The following HIVEP1 variants were observed in gnomAD, a reference collection of about 807,000 sequenced individuals.
HIVEP1 encodes zinc finger protein 40.
A neutral mutation model predicts 180.0 loss-of-function variants in HIVEP1; 36 were observed. That is an observed-to-expected ratio of 0.20 (90% CI 0.15 to 0.26). The LOEUF is 0.26. HIVEP1 is among the 10% of genes least tolerant of loss of function. The pLI is 1.00. For synonymous variants in HIVEP1, 1,239 were observed against 1,239.0 expected (o/e 1.00, Z 0.00); for missense variants, 3,143 against 3,268.7 (o/e 0.96, Z 0.94).
At chr6:12,103,563 A>ATTT (rs551545045) in intron 3 of HIVEP1, among the ~76,000 whole-genome samples, 1,553 of 145,842 alleles carry the variant, frequency 0.011, 27 homozygotes, top group African/African-American at 0.037. Context: ...GAGACTTACT[A>ATTT]TTTTTTTTTT....
intron 7 of HIVEP1, among the ~76,000 whole-genome samples, chr6:12,140,781 C>G (rs564164132): frequency 7.9e-5 from 12 of 152,104 alleles, no homozygotes; most frequent in Non-Finnish European, 1.5e-4. Context: ...GATTGAAGAT[C>G]AAATTAATGA....
At chr6:12,160,314 T>C (rs3777754) in intron 7 of HIVEP1, among the ~76,000 whole-genome samples, 9,812 of 152,324 alleles carry the variant, frequency 0.064, 370 homozygotes, top group Middle Eastern at 0.15. Context: ...AGGCTGATAC[T>C]AACGACTTTT....
intron 3 of HIVEP1, among the ~76,000 whole-genome samples, chr6:12,116,324 T>C (rs1441211507): frequency 6.6e-6 from 1 of 152,130 alleles, no homozygotes; most frequent in African/African-American, 2.4e-5. Context: ...AAGGTATTTG[T>C]CTATAATTCC....
chr6:12,118,372 G>T (rs1212642065), intron 3 of HIVEP1, among the ~76,000 whole-genome samples: 2 of 152,152 alleles, frequency 1.3e-5, no homozygotes, highest in African/African-American at 4.8e-5. Context: ...GAATTAAGTA[G>T]TTGGCTTTCT....
the HIVEP1 span, among the ~76,000 whole-genome samples, chr6:12,171,168 C>T: frequency 6.6e-6 from 1 of 152,176 alleles, no homozygotes; most frequent in Non-Finnish European, 1.5e-5. Context: ...ATCCCTCCCT[C>T]TCCCAAGAAA....
In HIVEP1 at chr6:12,125,210, A is replaced by C. The variant is rs1369543753; in HGVS notation, c.5415A>C (p.Thr1805=). 1.2e-6 allele frequency: 2 copies of C among 1,614,232 alleles called. No homozygotes were observed. Among genetic ancestry groups the C allele is most frequent in the Admixed American group, 3.3e-5 (2 of 60,026 alleles). ...TTTTAGTGAGACAGGTTTGTACTAC[A>C]GAGCCCCTGGACGGTGTGATGTTGG... ...KPILVRQVCT[T]EPLDGVMLEK... is the part of the protein sequence containing the mutation. The change falls in exon 4 of 9, where the codon ACA becomes ACC. Residue 1805 remains threonine (T), a synonymous_variant. Coordinates refer to ENST00000379388, the MANE Select transcript of HIVEP1 (RefSeq NM_002114.4).
chr6:12,093,352 G>A (rs1429685603), intron 3 of HIVEP1, among the ~76,000 whole-genome samples: 1 of 151,412 alleles, frequency 6.6e-6, no homozygotes, highest in Non-Finnish European at 1.5e-5. Context: ...TCACTAAAGT[G>A]AATAGAAGCT....
chr6:12,059,607 G>C (rs564734803), intron 2 of HIVEP1, among the ~76,000 whole-genome samples: 1 of 152,010 alleles, frequency 6.6e-6, no homozygotes, highest in Non-Finnish European at 1.5e-5. Context: ...ACCTACCTGG[G>C]GTTCTCCTCG....
chr6:12,198,196 G>A, the HIVEP1 span, among the ~76,000 whole-genome samples: 4 of 152,190 alleles, frequency 2.6e-5, no homozygotes, highest in African/African-American at 9.7e-5. Context: ...ACATATGGAC[G>A]TCTTTATATG....
chr6:12,041,128 A>G (rs1769661785), intron 2 of HIVEP1, among the ~76,000 whole-genome samples: 5 of 152,182 alleles, frequency 3.3e-5, no homozygotes, highest in Admixed American at 3.3e-4. Flanking sequence ...GTTTTTAGAA[A>G]TAAATAGCCA....
At chr6:12,057,450 G>A (rs552619027) in intron 2 of HIVEP1, among the ~76,000 whole-genome samples, 52 of 152,068 alleles carry the variant, frequency 3.4e-4, no homozygotes, top group African/African-American at 1.2e-3. Flanking sequence ...CCCTTTTTTG[G>A]TAGTTTTGCA....
intron 3 of HIVEP1, among the ~76,000 whole-genome samples, chr6:12,094,106 T>C (rs1773649921): frequency 6.6e-6 from 1 of 152,034 alleles, no homozygotes; most frequent in South Asian, 2.1e-4. Context: ...TCTTAGAATT[T>C]GGTGTTTTCC....
At position 12,015,528 on chromosome 6, in the gene HIVEP1, C is replaced by A; in HGVS notation, c.-101C>A. The A allele has an allele frequency of 1.1e-6, 1 of 922,560 alleles. No homozygotes were observed. Among genetic ancestry groups the A allele is most frequent in the Non-Finnish European group, 1.7e-6 (1 of 577,102 alleles). The allele number at this position is 922,560 out of a possible 1,614,324, so 57.1% of individuals were successfully genotyped here. A position where few individuals can be genotyped will look rare whatever the true frequency, so the allele number is the denominator to read the frequency against. On this transcript the variant is annotated splice_region_variant and 5_prime_UTR_variant, in exon 2 of 9. Transcript: ENST00000379388. ...TTCTCCGTTTTTTTCTTTTTCAGCA[C>A]ATGGATTAATTGATGTATGTTGAGT...
At chr6:12,017,997 GC>G (rs1325851309) in intron 2 of HIVEP1, among the ~76,000 whole-genome samples, 2 of 152,244 alleles carry the variant, frequency 1.3e-5, no homozygotes, top group East Asian at 3.9e-4. Flanking sequence ...GGAGGCTGGG[GC>G]CGTGCAGGAG....
At chr6:12,042,767 T>G (rs192381795) in intron 2 of HIVEP1, among the ~76,000 whole-genome samples, 2 of 152,282 alleles carry the variant, frequency 1.3e-5, no homozygotes, top group Non-Finnish European at 2.9e-5. Flanking sequence ...TTAAAAAACT[T>G]TCATATATCT....
Position 12,120,236 on chromosome 6 carries a change from A to T in HIVEP1, c.441A>T (p.Arg147Ser), listed in dbSNP as rs2113505316. The change falls in exon 4 of 9, where the codon AGA becomes AGT. Residue 147 changes from arginine (R) to serine (S), a missense_variant. By Grantham distance (110) the Arg-to-Ser change is moderately radical. This residue lies in a region of HIVEP1 where 306 missense variants were observed against 310.6 expected (regional missense o/e 0.99). Coordinates refer to ENST00000379388, the MANE Select transcript of HIVEP1 (RefSeq NM_002114.4). Reference protein sequence around the residue: ...LQQPSELRRWRSEGADPAKFS... With the variant: ...LQQPSELRRWSSEGADPAKFS... Reference sequence around the variant, plus strand: ...AACCATCTGAACTGCGTAGATGGAGATCCGAAGGCGCTGATCCTGCCAAAT... The same window carrying T: ...AACCATCTGAACTGCGTAGATGGAGTTCCGAAGGCGCTGATCCTGCCAAAT... 6.2e-7 allele frequency: 1 copy of T among 1,614,182 alleles called. No homozygotes were observed. The highest frequency in any genetic ancestry group is 2.2e-5 in the East Asian group (1 of 44,888).
the HIVEP1 span, among the ~76,000 whole-genome samples, chr6:12,207,139 T>C: frequency 6.6e-6 from 1 of 152,146 alleles, no homozygotes; most frequent in Non-Finnish European, 1.5e-5. Context: ...TCCTGATGAG[T>C]TAAGATTGCT....
chr6:12,070,276 C>T (rs1218304151), intron 2 of HIVEP1, among the ~76,000 whole-genome samples: 1 of 152,142 alleles, frequency 6.6e-6, no homozygotes, highest in Non-Finnish European at 1.5e-5. Flanking sequence ...TACATAATTG[C>T]ATGTTCTGTA....
chr6:12,152,071 G>A (rs1167574097), intron 7 of HIVEP1, among the ~76,000 whole-genome samples: 2 of 152,062 alleles, frequency 1.3e-5, no homozygotes, highest in African/African-American at 2.4e-5. Context: ...CAGGAGAATC[G>A]CTTGAACCTG....
Sources: gnomAD v4.1 joint callset for allele counts (sites outside exome capture counted in the v4.1 genomes callset) on GRCh38, gnomAD v4.1.1 for gene constraint, gnomAD v4.1.1 regional missense constraint, MANE v1.5 for transcripts, NCBI Gene and HGNC (gene_info 2026-07-23, HGNC 2026-07-21) for gene names.